ZFP64: variants seen among roughly 807,000 people sequenced by gnomAD.
ZFP64 encodes the protein ZFP64 zinc finger protein.
ZFP64 carries 14 observed loss-of-function variants against 51.6 expected under a neutral mutation model. The observed-to-expected ratio is 0.27, with a 90% CI of 0.18 to 0.42. The LOEUF is 0.42. Among genes scored for constraint, ZFP64 ranks in the 10% least tolerant of loss-of-function variants. ZFP64 has a pLI of 1.00. For synonymous variants in ZFP64, 375 were observed against 361.4 expected (o/e 1.04, Z -0.43); for missense variants, 754 against 906.8 (o/e 0.83, Z 2.16).
intron 5 of ZFP64, among the ~76,000 whole-genome samples, chr20:52,133,183 C>T (rs946840526): frequency 3.3e-5 from 5 of 152,058 alleles, no homozygotes; most frequent in South Asian, 2.1e-4. Flanking sequence ...CCTCAAAAAA[C>T]GGGGTGTCAA....
At chr20:52,166,802 T>C (rs1000922096) in intron 2 of ZFP64, among the ~76,000 whole-genome samples, 6 of 152,086 alleles carry the variant, frequency 3.9e-5, no homozygotes, top group African/African-American at 1.4e-4. Flanking sequence ...TTATGCCAGG[T>C]AAGATTTCTG....
intron 1 of ZFP64, among the ~76,000 whole-genome samples, chr20:52,188,431 C>T (rs1298714261): frequency 2.0e-5 from 3 of 149,228 alleles, no homozygotes; most frequent in Non-Finnish European, 4.5e-5. Flanking sequence ...TCTCCTGCCC[C>T]AGCCTCCCAA....
chr20:52,167,264 G>A (rs2123039947), intron 2 of ZFP64, among the ~76,000 whole-genome samples: 1 of 152,032 alleles, frequency 6.6e-6, no homozygotes. Flanking sequence ...GGCGGGGGTT[G>A]CAGTGAGCCA....
downstream of ZFP64, among the ~76,000 whole-genome samples, chr20:52,147,165 C>T (rs1414990944): frequency 6.6e-6 from 1 of 152,114 alleles, no homozygotes; most frequent in Non-Finnish European, 1.5e-5. Context: ...AAACATTATT[C>T]AGTCAAATTA....
At chr20:52,091,146 T>C (rs568872526) in intron 7 of ZFP64, among the ~76,000 whole-genome samples, 1 of 152,116 alleles carries the variant, frequency 6.6e-6, no homozygotes, top group South Asian at 2.1e-4. Context: ...AAATATCAGA[T>C]AACTAGATGT....
At chr20:52,169,657 A>G (rs190372079) in intron 2 of ZFP64, among the ~76,000 whole-genome samples, 4 of 152,280 alleles carry the variant, frequency 2.6e-5, no homozygotes, top group African/African-American at 9.6e-5. Context: ...AGTATTTTGG[A>G]TATCAACCCC....
At chr20:52,185,363 C>T (rs1983886246) in intron 2 of ZFP64, among the ~76,000 whole-genome samples, 1 of 152,016 alleles carries the variant, frequency 6.6e-6, no homozygotes, top group South Asian at 2.1e-4. Flanking sequence ...TAGCTGTAGA[C>T]TTATTGGATA....
intron 5 of ZFP64, among the ~76,000 whole-genome samples, chr20:52,118,018 G>C (rs1978971420): frequency 6.6e-6 from 1 of 151,894 alleles, no homozygotes; most frequent in African/African-American, 2.4e-5. Flanking sequence ...GGCTGGTCTT[G>C]AACTCCAGGG....
intron 8 of ZFP64, among the ~76,000 whole-genome samples, chr20:52,086,508 C>CA (rs2078866370): frequency 6.8e-6 from 1 of 147,352 alleles, no homozygotes; most frequent in African/African-American, 2.5e-5. Flanking sequence ...TACAGAGTCT[C>CA]ACTCTGTCGC....
At chr20:52,100,225 G>A (rs2079035990) in intron 5 of ZFP64, among the ~76,000 whole-genome samples, 1 of 151,730 alleles carries the variant, frequency 6.6e-6, no homozygotes, top group African/African-American at 2.4e-5. Context: ...TCCTGACCTT[G>A]TGATCCACCC....
rs753958337 is a variant in ZFP64 at position 52,164,760 on chromosome 20, A to T, written c.449-3T>A. 6.5e-5 allele frequency: 51 copies of T among 784,274 alleles called. No homozygotes were observed. The highest frequency in any genetic ancestry group is 1.3e-4 in the Admixed American group (4 of 31,740). 48.6% of individuals were successfully genotyped at this position (784,274 alleles called of 1,614,324 possible). A position where few individuals can be genotyped will look rare whatever the true frequency, so the allele number is the denominator to read the frequency against. ...ATAAGCAGTCTTGAATTGGCAACCT[A>T]AAAAAAAAAAGGAAAGATTAATTAC... is the stretch of plus-strand genomic sequence containing the variant. On this transcript the variant is annotated splice_region_variant and splice_polypyrimidine_tract_variant and intron_variant, in intron 3 of 5. Transcript: ENST00000216923.
intron 5 of ZFP64, among the ~76,000 whole-genome samples, chr20:52,128,739 A>G (rs1417516885): frequency 6.6e-6 from 1 of 152,158 alleles, no homozygotes; most frequent in African/African-American, 2.4e-5. Context: ...GTCAGTAACA[A>G]GGGCTGATTT....
intron 5 of ZFP64, among the ~76,000 whole-genome samples, chr20:52,130,043 G>A (rs945812915): frequency 8.7e-4 from 132 of 152,114 alleles, no homozygotes; most frequent in East Asian, 3.9e-4. Flanking sequence ...TTCCTCTCGA[G>A]ATCCACATGG....
chr20:52,110,606 C>T lies in ZFP64; in HGVS notation c.764-12019G>A, dbSNP rs79963059. 4,939 of 826,178 alleles carry T rather than the reference C, an allele frequency of 6.0e-3. 170 individuals carry two copies. In the African/African-American group the frequency reaches 0.076, roughly 13 times the overall value. 51.2% of individuals were successfully genotyped at this position (826,178 alleles called of 1,614,324 possible). A position where few individuals can be genotyped will look rare whatever the true frequency, so the allele number is the denominator to read the frequency against. ...TTCCAGAGGGCCTAGCGGGCCTCCA[C>T]GCCAGAGGCCCTGATGAACTCCTGG... On this transcript the variant is annotated intron_variant, in intron 5 of 8. Coordinates refer to the ZFP64 transcript ENST00000361387.
chr20:52,085,071 T>C lies in ZFP64; in HGVS notation c.1424A>G (p.Gln475Arg). The change falls in exon 9 of 9, where the codon CAG (glutamine) becomes CGG (arginine). Residue 475 changes from glutamine (Q) to arginine (R), a missense_variant. Transcript: ENST00000361387. This position sits in a 1 kb window ranked among gnomAD's most constrained non-coding sequence, Gnocchi z 4.3. The stretch of plus-strand genomic sequence containing the variant: ...CAGGAGGTCAGCCCGGTCCCGGCCC[T>C]GGAAGGCACAGTGCAGACATTTGAA... 6.2e-7 allele frequency: 1 copy of C among 1,614,230 alleles called. No individual in the cohort carries two copies. Among genetic ancestry groups the C allele is most frequent in the Non-Finnish European group, 8.5e-7 (1 of 1,180,040 alleles).
intron 5 of ZFP64, among the ~76,000 whole-genome samples, chr20:52,138,045 A>G (rs1467224294): frequency 1.6e-5 from 2 of 123,834 alleles, no homozygotes; most frequent in Admixed American, 1.7e-4. Context: ...AAATAAATAA[A>G]TAAATAAATA....
intron 5 of ZFP64, among the ~76,000 whole-genome samples, chr20:52,116,895 C>G (rs138168162): frequency 0.011 from 1,729 of 152,238 alleles, 35 homozygotes; most frequent in African/African-American, 0.04. Flanking sequence ...CATGGTGAAA[C>G]CCTGCCTCTA....
At chr20:52,187,486 G>A (rs564586517) in intron 1 of ZFP64, among the ~76,000 whole-genome samples, 3 of 152,178 alleles carry the variant, frequency 2.0e-5, no homozygotes, top group African/African-American at 7.2e-5. Context: ...GCTGGGCATG[G>A]TGGTGTGTGC....
intron 2 of ZFP64, among the ~76,000 whole-genome samples, chr20:52,173,367 A>T (rs1862108898): frequency 6.6e-6 from 1 of 152,206 alleles, no homozygotes; most frequent in African/African-American, 2.4e-5. Context: ...CAGGATGATC[A>T]CTTGAGACCA....
Sources: allele counts gnomAD v4.1 joint callset (sites outside exome capture counted in the v4.1 genomes callset), GRCh38; gene constraint gnomAD v4.1.1; non-coding constraint Gnocchi (gnomAD v3.1); transcripts MANE v1.5; gene names NCBI Gene and HGNC (gene_info 2026-07-23, HGNC 2026-07-21).